The following CUX1 variants were observed in gnomAD, a reference collection of about 807,000 sequenced individuals.
The protein encoded by CUX1 is protein CASP.
Under a neutral mutation model 158.8 loss-of-function variants are expected in CUX1, and 31 were observed. The observed-to-expected ratio is 0.20, with a 90% CI of 0.15 to 0.26. The LOEUF (loss-of-function observed/expected upper bound fraction) is 0.26, where lower values mean the gene tolerates loss of function less well. Among genes scored for constraint, CUX1 ranks in the 10% least tolerant of loss-of-function variants. The pLI is 1.00. For missense variants in CUX1, 1,589 were observed against 2,014.6 expected, an observed-to-expected ratio of 0.79 and a Z score of 4.04; for synonymous variants, 879 against 862.1, an observed-to-expected ratio of 1.02 and a Z score of -0.34.
chr7:101,905,090 T>G (rs1012969824), intron 1 of CUX1, among the ~76,000 whole-genome samples: 45 of 152,130 alleles, frequency 3.0e-4, no homozygotes, highest in Admixed American at 6.5e-5. Flanking sequence ...GAGAGCCAGG[T>G]GACCTACCCA....
intron 3 of CUX1, among the ~76,000 whole-genome samples, chr7:102,034,751 C>CAAAAAAAA (rs33994794): frequency 1.7e-5 from 2 of 117,944 alleles, no homozygotes; most frequent in Non-Finnish European, 3.4e-5. Context: ...GACTCCGTCT[C>CAAAAAAAA]AAAAAAAAAA....
chr7:102,012,256 C>T (rs368392313), intron 2 of CUX1, among the ~76,000 whole-genome samples: 1 of 152,032 alleles, frequency 6.6e-6, no homozygotes, highest in African/African-American at 2.4e-5. Context: ...GGTGCGATCT[C>T]GGCTCACTGC....
chr7:101,939,658 C>A (rs1403601707), intron 2 of CUX1, among the ~76,000 whole-genome samples: 1 of 151,906 alleles, frequency 6.6e-6, no homozygotes. Context: ...ATAGTGAAAC[C>A]CCACCTCTAT....
intron 9 of CUX1, 100 bp from the exon 10 acceptor site, chr7:102,170,346 A>G (rs545393400): frequency 4.9e-5 from 40 of 819,426 alleles, no homozygotes; most frequent in African/African-American, 4.1e-4. Context: ...AGGAAAATCA[A>G]TTATAGTCAG....
At chr7:102,014,858 CAAAAAA>C (rs59972216) in intron 2 of CUX1, among the ~76,000 whole-genome samples, 2 of 127,916 alleles carry the variant, frequency 1.6e-5, no homozygotes, top group Non-Finnish European at 3.3e-5. Flanking sequence ...CCCCAACCAC[CAAAAAA>C]AAAAAAAAAA....
rs782562542 is a variant in CUX1, at chr7:102,132,292, AGT to A, written c.674+17035_674+17036del. On this transcript the variant is annotated intron_variant, in intron 8 of 23. Transcript: ENST00000292535. ...TATTTGCAATATATATGAGAGAGAG[AGT>A]GTGTGTGTGTGTGTGCGCGCGCGCG... is the stretch of plus-strand genomic sequence containing the variant. Among the ~76,000 whole-genome samples the A allele has an allele frequency of 6.9e-3, 712 of 103,384 alleles. 15 individuals carry two copies. Among genetic ancestry groups the A allele is most frequent in the African/African-American group, 0.025 (580 of 23,544 alleles). The allele number at this position is 103,384 out of a possible 152,430, so 67.8% of individuals were successfully genotyped here. A position where few individuals can be genotyped will look rare whatever the true frequency, so the allele number is the denominator to read the frequency against.
intron 11 of CUX1, among the ~76,000 whole-genome samples, chr7:102,182,999 C>T (rs1472489988): frequency 6.6e-6 from 1 of 152,176 alleles, no homozygotes; most frequent in African/African-American, 2.4e-5. Context: ...CTTTTCCAAA[C>T]TGCTTCTCTT....
At chr7:102,055,952 C>T (rs927788053) in intron 3 of CUX1, among the ~76,000 whole-genome samples, 2 of 152,164 alleles carry the variant, frequency 1.3e-5, no homozygotes, top group African/African-American at 2.4e-5. Flanking sequence ...TCTGCATAGA[C>T]GATCAAACCA....
chr7:102,161,005 G>T (rs1339524428), intron 9 of CUX1: 2 of 152,186 alleles, frequency 1.3e-5, no homozygotes, highest in African/African-American at 4.8e-5. Flanking sequence ...TTTAGCTAAT[G>T]CTTCCTTTGC....
At chr7:101,827,944 G>C (rs567988044) in intron 1 of CUX1, among the ~76,000 whole-genome samples, 1 of 151,290 alleles carries the variant, frequency 6.6e-6, no homozygotes, top group East Asian at 1.9e-4. Flanking sequence ...AGGGGGAGTC[G>C]GGAGAAGCAG....
At chr7:101,995,103 A>AAG (rs1197505735) in intron 2 of CUX1, among the ~76,000 whole-genome samples, 1 of 152,018 alleles carries the variant, frequency 6.6e-6, no homozygotes, top group Non-Finnish European at 1.5e-5. Flanking sequence ...TCAAAATTAA[A>AAG]AGAGAGAGAG....
intron 1 of CUX1, among the ~76,000 whole-genome samples, chr7:101,889,767 A>C (rs1800663493): frequency 6.6e-6 from 1 of 152,226 alleles, no homozygotes; most frequent in Admixed American, 6.5e-5. Flanking sequence ...GCAAGACTAT[A>C]TCTCAAAAAA....
At chr7:101,857,947 A>AC (rs566285764) in intron 1 of CUX1, among the ~76,000 whole-genome samples, 62 of 152,106 alleles carry the variant, frequency 4.1e-4, no homozygotes, top group South Asian at 3.9e-3. Context: ...ACATGGTGAA[A>AC]CCCCGTCTCT....
intron 20 of CUX1, among the ~76,000 whole-genome samples, chr7:102,207,429 A>C (rs1196341164): frequency 2.6e-5 from 4 of 152,136 alleles, no homozygotes; most frequent in Admixed American, 2.0e-4. Flanking sequence ...AAAATGGAAA[A>C]AGATTTCTTA....
chr7:101,984,119 TATATATATATACACACAC>T lies in CUX1; in HGVS notation c.142-43977_142-43960del, dbSNP rs1813922818. 4.5e-5 allele frequency among the ~76,000 whole-genome samples: 2 copies of T among 44,144 alleles called. 1 individual carries two copies. The highest frequency in any genetic ancestry group is 4.1e-4 in the Admixed American group (2 of 4,908). 29.0% of individuals were successfully genotyped at this position (44,144 alleles called of 152,430 possible). ...ATATATATATATATATATATATATA[TATATATATATACACACAC>T]ACATATATATATGTGTGTGTGTGTG... On this transcript the variant is annotated intron_variant, in intron 2 of 23. Transcript: ENST00000292535.
At chr7:101,879,295 C>G (rs1024493982) in intron 1 of CUX1, among the ~76,000 whole-genome samples, 4 of 152,030 alleles carry the variant, frequency 2.6e-5, no homozygotes, top group African/African-American at 9.7e-5. Flanking sequence ...CCTGTCCCCC[C>G]TTCACATAGC....
chr7:101,829,855 G>A (rs1562897295), intron 1 of CUX1, among the ~76,000 whole-genome samples: 1 of 152,234 alleles, frequency 6.6e-6, no homozygotes. Flanking sequence ...TACGGTTGTG[G>A]CTCAGGCTGT....
Position 102,254,122 on chromosome 7 carries a change from G to C in CUX1, c.*5080G>C. 1 of 985,436 alleles carries C rather than the reference G, an allele frequency of 1.0e-6. No homozygotes were observed. Among genetic ancestry groups the C allele is most frequent in the Non-Finnish European group, 1.2e-6 (1 of 829,948 alleles). The allele number at this position is 985,436 out of a possible 1,614,324, so 61.0% of individuals were successfully genotyped here. ...ACGGACAAACAGCTGTGCTCTGCAA[G>C]GCACACGGATGTTTCCCTTCCACCT... is the stretch of plus-strand genomic sequence containing the variant. On this transcript the variant is annotated 3_prime_UTR_variant, in exon 24 of 24. Coordinates refer to ENST00000292535, the MANE Select transcript of CUX1 (RefSeq NM_181552.4).
At chr7:102,202,675 A>T (rs781804940) in intron 18 of CUX1, among the ~76,000 whole-genome samples, 3 of 152,134 alleles carry the variant, frequency 2.0e-5, no homozygotes, top group Non-Finnish European at 4.4e-5. Flanking sequence ...GCCAAAAGGG[A>T]CTTACTAGAA....
Sources: allele counts gnomAD v4.1 joint callset (sites outside exome capture counted in the v4.1 genomes callset), GRCh38; gene constraint gnomAD v4.1.1; transcripts MANE v1.5; gene names NCBI Gene and HGNC (gene_info 2026-07-23, HGNC 2026-07-21).